CCDC148: variants seen among roughly 807,000 people sequenced by gnomAD.
The protein encoded by CCDC148 is coiled-coil domain containing 148, also known as coiled-coil domain-containing protein 148.
A neutral mutation model predicts 85.7 loss-of-function variants in CCDC148; 89 were observed. The observed-to-expected ratio is 1.04, with a 90% CI of 0.87 to 1.24. The LOEUF (loss-of-function observed/expected upper bound fraction) is 1.24. Ranked by LOEUF, CCDC148 falls within the 50% of genes most tolerant of loss-of-function variation. The pLI, the probability that CCDC148 is intolerant of heterozygous loss-of-function variation, is 0.00. For synonymous variants in CCDC148, 230 were observed against 213.9 expected (o/e 1.08, Z -0.66); for missense variants, 692 against 671.7 (o/e 1.03, Z -0.33).
intron 2 of CCDC148, among the ~76,000 whole-genome samples, chr2:158,348,368 A>G (rs981755415): frequency 6.6e-6 from 1 of 152,034 alleles, no homozygotes; most frequent in Non-Finnish European, 1.5e-5. Flanking sequence ...AATTCAGACT[A>G]TAAGACAAAC....
intron 11 of CCDC148, among the ~76,000 whole-genome samples, chr2:158,183,324 A>T (rs7591479): frequency 0.41 from 61,796 of 152,020 alleles, 14,399 homozygotes; most frequent in African/African-American, 0.64. Flanking sequence ...ATGTGTGCAC[A>T]GCACTCTAAG....
chr2:158,312,578 C>CAAAAAA (rs61545122), intron 8 of CCDC148, among the ~76,000 whole-genome samples: 10 of 76,064 alleles, frequency 1.3e-4, no homozygotes, highest in Admixed American at 3.3e-4. Flanking sequence ...GAATCCATCT[C>CAAAAAA]AAAAAAAAAA....
At chr2:158,233,326 A>G (rs942319771) in intron 10 of CCDC148, among the ~76,000 whole-genome samples, 2 of 151,822 alleles carry the variant, frequency 1.3e-5, no homozygotes, top group African/African-American at 2.4e-5. Context: ...ATTTAGATCA[A>G]TGATGGTTCC....
Position 158,286,728 on chromosome 2 carries a change from G to A in CCDC148, c.1110+22705C>T, listed in dbSNP as rs185557792. The stretch of plus-strand genomic sequence containing the variant: ...ATGGCACAGACGGAACTGCAAAACA[G>A]TGGAAAGGACAGAGCTTACAATAAA... On this transcript the variant is annotated intron_variant, in intron 9 of 13. Coordinates refer to ENST00000283233, the MANE Select transcript of CCDC148 (RefSeq NM_138803.4). 4.1e-3 allele frequency among the ~76,000 whole-genome samples: 627 copies of A among 152,270 alleles called. 2 individuals are homozygous for A. Among genetic ancestry groups the A allele is most frequent in the Admixed American group, 4.2e-3 (65 of 15,298 alleles).
intron 11 of CCDC148, among the ~76,000 whole-genome samples, chr2:158,205,012 C>T (rs1686165612): frequency 6.6e-6 from 1 of 152,070 alleles, no homozygotes; most frequent in Non-Finnish European, 1.5e-5. Flanking sequence ...CCATGGGCAT[C>T]CCATGGGCAA....
intron 9 of CCDC148, among the ~76,000 whole-genome samples, chr2:158,302,220 T>G (rs1379979635): frequency 1.3e-5 from 2 of 151,744 alleles, no homozygotes; most frequent in African/African-American, 4.8e-5. Context: ...GAGGAAGAAA[T>G]TAGGGGTTGT....
intron 12 of CCDC148, chr2:158,178,050 C>T (rs1216656216): frequency 6.6e-6 from 1 of 152,040 alleles, no homozygotes; most frequent in African/African-American, 2.4e-5. Flanking sequence ...CCTATTATTC[C>T]CATTTTTCAG....
intron 10 of CCDC148, among the ~76,000 whole-genome samples, chr2:158,245,214 C>T (rs980350144): frequency 1.3e-5 from 2 of 152,146 alleles, no homozygotes; most frequent in Admixed American, 6.6e-5. Context: ...GACTATTTCT[C>T]CTCTTCTTGG....
At chr2:158,367,253 C>G (rs1400416152) in intron 1 of CCDC148, among the ~76,000 whole-genome samples, 2 of 152,148 alleles carry the variant, frequency 1.3e-5, no homozygotes, top group African/African-American at 2.4e-5. Context: ...AGGCAAAGCA[C>G]GCCTCCAGAA....
intron 10 of CCDC148, among the ~76,000 whole-genome samples, chr2:158,246,409 G>C (rs1031697867): frequency 6.6e-6 from 1 of 152,184 alleles, no homozygotes; most frequent in Admixed American, 6.5e-5. Flanking sequence ...CAGTATCTCT[G>C]AGTTGACATG....
At chr2:158,375,413 T>G (rs1473547064) in intron 1 of CCDC148, among the ~76,000 whole-genome samples, 1 of 152,146 alleles carries the variant, frequency 6.6e-6, no homozygotes, top group Non-Finnish European at 1.5e-5. Flanking sequence ...ATGCATTGTC[T>G]TTCTCTTGAT....
intron 4 of CCDC148, 96 bp downstream of exon 4, chr2:158,340,502 A>C: frequency 7.1e-7 from 1 of 1,409,962 alleles, no homozygotes; most frequent in Admixed American, 2.2e-5. Flanking sequence ...GAAAAAAACA[A>C]ATGGCAGTTA....
chr2:158,181,581 T>A, intron 11 of CCDC148, among the ~76,000 whole-genome samples: 1 of 151,938 alleles, frequency 6.6e-6, no homozygotes, highest in Non-Finnish European at 1.5e-5. Flanking sequence ...TAGGGCAGTA[T>A]CTATAATAGG....
At chr2:158,226,958 C>T (rs1305708083) in intron 10 of CCDC148, among the ~76,000 whole-genome samples, 19 of 152,030 alleles carry the variant, frequency 1.2e-4, no homozygotes, top group African/African-American at 1.9e-4. Flanking sequence ...CTGACAAGGG[C>T]AATCAGGCAG....
chr2:158,414,426 T>A (rs1039257163), intron 1 of CCDC148, among the ~76,000 whole-genome samples: 1 of 152,158 alleles, frequency 6.6e-6, no homozygotes, highest in Non-Finnish European at 1.5e-5. Flanking sequence ...AGTTCACATT[T>A]TAGAGTGCTG....
intron 11 of CCDC148, among the ~76,000 whole-genome samples, chr2:158,219,878 A>T (rs1687083516): frequency 6.6e-6 from 1 of 152,186 alleles, no homozygotes; most frequent in Non-Finnish European, 1.5e-5. Context: ...ACCCTCCTTC[A>T]GCCCTAGGGT....
intron 2 of CCDC148, among the ~76,000 whole-genome samples, chr2:158,351,655 G>A (rs892326636): frequency 6.6e-5 from 10 of 152,190 alleles, no homozygotes; most frequent in East Asian, 3.9e-4. Flanking sequence ...GGGGAGGGGC[G>A]CCCGCCATTG....
chr2:158,287,457 A>G (rs1195262934), intron 9 of CCDC148, among the ~76,000 whole-genome samples: 1 of 152,182 alleles, frequency 6.6e-6, no homozygotes, highest in Non-Finnish European at 1.5e-5. Context: ...TACTAGATAC[A>G]GTGGGGGTAC....
intron 11 of CCDC148, among the ~76,000 whole-genome samples, chr2:158,190,156 T>C (rs1685352913): frequency 6.6e-6 from 1 of 151,906 alleles, no homozygotes; most frequent in African/African-American, 2.4e-5. Flanking sequence ...TCAGTTCCTT[T>C]TGAGAATAAG....
Sources: gnomAD v4.1 joint callset for allele counts (sites outside exome capture counted in the v4.1 genomes callset) on GRCh38, gnomAD v4.1.1 for gene constraint, MANE v1.5 for transcripts, NCBI Gene and HGNC (gene_info 2026-07-23, HGNC 2026-07-21) for gene names.